OR56A1: variants seen among roughly 807,000 people sequenced by gnomAD.
OR56A1 encodes olfactory receptor family 56 subfamily A member 1.
For synonymous variants in OR56A1, 174 were observed against 159.1 expected, an observed-to-expected ratio of 1.09 and a Z score of -0.70; for missense variants, 360 against 380.9, an observed-to-expected ratio of 0.94 and a Z score of 0.46.
chr11:6,020,320 A>T lies in OR56A1; in HGVS notation c.*6428T>A, dbSNP rs1848382474. ...TTTTTTGGTTTCATATGAATTTTAA[A>T]ATAGTTTTTTCTAGTTCTGTAAAGA... On this transcript the variant is annotated 3_prime_UTR_variant, in exon 2 of 2. Transcript: ENST00000641900. 6.6e-6 allele frequency: 1 copy of T among 152,160 alleles called. No individual in the cohort carries two copies. The highest frequency in any genetic ancestry group is 6.6e-5 in the Admixed American group (1 of 15,266). The allele number at this position is 152,160 out of a possible 1,614,324, so 9.4% of individuals were successfully genotyped here. A position where few individuals can be genotyped will look rare whatever the true frequency, so the allele number is the denominator to read the frequency against.
At chr11:6,033,249 G>A (rs1011002065), upstream of OR56A1, among the ~76,000 whole-genome samples, 3 of 151,964 alleles carry the variant, frequency 2.0e-5, no homozygotes, top group Non-Finnish European at 4.4e-5. Flanking sequence ...GGGTGTGGAC[G>A]AGTGAGAAAG....
Position 6,026,881 on chromosome 11 carries a change from A to T in OR56A1, c.812T>A (p.Val271Asp). The change falls in exon 2 of 2, where the codon GTC becomes GAC. Residue 271 changes from valine (V) to aspartate (D), a missense_variant. By Grantham distance (152) the Val-to-Asp change is radical. Transcript: ENST00000641900. ...CAGCAGGATCAGGATGTCCATGGGG[A>T]CCTTCTTTCTGGCCACGTTTGTCAA... ...VVLTNVARKK[V>D]PMDILILLNV... 1.2e-6 allele frequency: 2 copies of T among 1,614,144 alleles called. No individual in the cohort carries two copies. The highest frequency in any genetic ancestry group is 1.7e-6 in the Non-Finnish European group (2 of 1,179,970).
At position 6,022,079 on chromosome 11, in the gene OR56A1, T is replaced by C. The variant is rs1435735080; in HGVS notation, c.*4669A>G. 1 of 152,096 alleles carries C rather than the reference T, an allele frequency of 6.6e-6. No homozygotes were observed. The highest frequency in any genetic ancestry group is 1.5e-5 in the Non-Finnish European group (1 of 67,982). The allele number at this position is 152,096 out of a possible 1,614,324, so 9.4% of individuals were successfully genotyped here. A position where few individuals can be genotyped will look rare whatever the true frequency, so the allele number is the denominator to read the frequency against. On this transcript the variant is annotated 3_prime_UTR_variant, in exon 2 of 2. Transcript: ENST00000641900. Reference sequence around the variant, plus strand: ...AGATGAGAGCTTGGGTGGTCTCCCTTGATAAGGAGGTAAGCCTATTGTCTA... The same window carrying C: ...AGATGAGAGCTTGGGTGGTCTCCCTCGATAAGGAGGTAAGCCTATTGTCTA...
chr11:6,029,788 T>C (rs908038649), intron 1 of OR56A1, among the ~76,000 whole-genome samples: 3 of 152,186 alleles, frequency 2.0e-5, no homozygotes, highest in African/African-American at 7.2e-5. Context: ...CTCTCTGATA[T>C]TCTGTTTTCC....
Position 6,027,349 on chromosome 11 carries a change from G to T in OR56A1, c.344C>A (p.Ser115Tyr). 1 of 1,614,196 alleles carries T rather than the reference G, an allele frequency of 6.2e-7. No individual in the cohort carries two copies. Among genetic ancestry groups the T allele is most frequent in the Non-Finnish European group, 8.5e-7 (1 of 1,180,028 alleles). ...FIMNSFLPME[S>Y]CTFMVMAYDR... The stretch of plus-strand genomic sequence containing the variant: ...ATAGGCCATGACCATAAACGTGCAG[G>T]ACTCCATGGGGAGGAAACTGTTCAT... The change falls in exon 2 of 2, where the codon TCC (serine) becomes TAC (tyrosine). Residue 115 changes from serine (S) to tyrosine (Y), a missense_variant. Physicochemically the swap from Ser to Tyr is moderately radical, Grantham distance 144. Transcript: ENST00000641900.
Position 6,025,773 on chromosome 11 carries a change from G to C in OR56A1, c.*975C>G, listed in dbSNP as rs55759362. 0.14 allele frequency: 20,642 copies of C among 152,164 alleles called. 1,744 individuals are homozygous for C. Among genetic ancestry groups the C allele is most frequent in the Non-Finnish European group, 0.18 (12,520 of 67,988 alleles). The allele number at this position is 152,164 out of a possible 1,614,324, so 9.4% of individuals were successfully genotyped here. A position where few individuals can be genotyped will look rare whatever the true frequency, so the allele number is the denominator to read the frequency against. Reference sequence around the variant, plus strand: ...TTCCAAGTGGAGGTTTCTTCCCATAGATACTGTTTATCTGTTACTTGAACC... The same window carrying C: ...TTCCAAGTGGAGGTTTCTTCCCATACATACTGTTTATCTGTTACTTGAACC... On this transcript the variant is annotated 3_prime_UTR_variant, in exon 2 of 2. Coordinates refer to ENST00000641900, the MANE Select transcript of OR56A1 (RefSeq NM_001388488.1).
rs1041751422 is a variant in OR56A1, at chr11:6,022,148, G to A, written c.*4600C>T. 1.3e-5 allele frequency: 2 copies of A among 152,088 alleles called. No homozygotes were observed. Among genetic ancestry groups the A allele is most frequent in the Admixed American group, 1.3e-4 (2 of 15,266 alleles). The allele number at this position is 152,088 out of a possible 1,614,324, so 9.4% of individuals were successfully genotyped here. ...GAAAATTTATGATCAAGGCTCTTTT[G>A]CAAGCAGCTGGATCTATGTGAGGAG... is the stretch of plus-strand genomic sequence containing the variant. On this transcript the variant is annotated 3_prime_UTR_variant, in exon 2 of 2. Transcript: ENST00000641900.
At chr11:6,032,193 T>C (rs1211214818), upstream of OR56A1, among the ~76,000 whole-genome samples, 2 of 151,596 alleles carry the variant, frequency 1.3e-5, no homozygotes, top group African/African-American at 4.9e-5. Context: ...AAGTTGACTG[T>C]GTAGCTAAAG....
rs919386191 is a variant in OR56A1 at position 6,023,739 on chromosome 11, A to G, written c.*3009T>C. On this transcript the variant is annotated 3_prime_UTR_variant, in exon 2 of 2. Coordinates refer to ENST00000641900, the MANE Select transcript of OR56A1 (RefSeq NM_001388488.1). Reference sequence around the variant, plus strand: ...CTCAGTTTTGAAAAACTGACAAAACATTGGTACCCCATCCATTTAAAATGC... The same window carrying G: ...CTCAGTTTTGAAAAACTGACAAAACGTTGGTACCCCATCCATTTAAAATGC... 6.6e-6 allele frequency: 1 copy of G among 152,238 alleles called. No individual in the cohort carries two copies. Among genetic ancestry groups the G allele is most frequent in the Non-Finnish European group, 1.5e-5 (1 of 68,034 alleles). The allele number at this position is 152,238 out of a possible 1,614,324, so 9.4% of individuals were successfully genotyped here. A position where few individuals can be genotyped will look rare whatever the true frequency, so the allele number is the denominator to read the frequency against.
chr11:6,020,403 G>T lies in OR56A1; in HGVS notation c.*6345C>A, dbSNP rs1848383433. 1 of 152,066 alleles carries T rather than the reference G, an allele frequency of 6.6e-6. No homozygotes were observed. The highest frequency in any genetic ancestry group is 2.4e-5 in the African/African-American group (1 of 41,438). 9.4% of individuals were successfully genotyped at this position (152,066 alleles called of 1,614,324 possible). On this transcript the variant is annotated 3_prime_UTR_variant, in exon 2 of 2. Coordinates refer to ENST00000641900, the MANE Select transcript of OR56A1 (RefSeq NM_001388488.1). ...AATCTGTAAATTGCTTTTGGGCAGT[G>T]TAGTGATTTTAATGGTACTGATTCT...
At chr11:6,028,160 C>T (rs1179559987) in intron 1 of OR56A1, among the ~76,000 whole-genome samples, 1 of 151,636 alleles carries the variant, frequency 6.6e-6, no homozygotes, top group Non-Finnish European at 1.5e-5. Flanking sequence ...CATCTCTTAC[C>T]CAAACTCATG....
Position 6,026,708 on chromosome 11 carries a change from G to T in OR56A1, c.*40C>A. 1 of 1,284,856 alleles carries T rather than the reference G, an allele frequency of 7.8e-7. No individual in the cohort carries two copies. The highest frequency in any genetic ancestry group is 1.1e-6 in the Non-Finnish European group (1 of 912,806). The allele number at this position is 1,284,856 out of a possible 1,614,324, so 79.6% of individuals were successfully genotyped here. On this transcript the variant is annotated 3_prime_UTR_variant, in exon 2 of 2. Coordinates refer to ENST00000641900, the MANE Select transcript of OR56A1 (RefSeq NM_001388488.1). ...ACTTCGCTGCCTAGGTAAAATCACT[G>T]AAGAGGAAGAACAGGAGGTATTAGA...
At chr11:6,031,349 A>G (rs1029516948), upstream of OR56A1, among the ~76,000 whole-genome samples, 5 of 152,214 alleles carry the variant, frequency 3.3e-5, no homozygotes, top group African/African-American at 1.2e-4. Flanking sequence ...AATGGAAAAA[A>G]ATATTTCCAT....
rs1848384222 is a variant in OR56A1, at chr11:6,020,485, T to C, written c.*6263A>G. ...TAGTTTGTATCTCCTCTGATTTCTTTGAGCAGTGTTTGGTAATTCTCACTG... is the reference window on the plus strand; with the variant it reads ...TAGTTTGTATCTCCTCTGATTTCTTCGAGCAGTGTTTGGTAATTCTCACTG... On this transcript the variant is annotated 3_prime_UTR_variant, in exon 2 of 2. Transcript: ENST00000641900. 6.6e-6 allele frequency: 1 copy of C among 152,170 alleles called. No individual in the cohort carries two copies. Among genetic ancestry groups the C allele is most frequent in the African/African-American group, 2.4e-5 (1 of 41,456 alleles). The allele number at this position is 152,170 out of a possible 1,614,324, so 9.4% of individuals were successfully genotyped here. A position where few individuals can be genotyped will look rare whatever the true frequency, so the allele number is the denominator to read the frequency against.
rs2133601024 is a variant in OR56A1 at position 6,024,274 on chromosome 11, T to G, written c.*2474A>C. The stretch of plus-strand genomic sequence containing the variant: ...ACTGCTGTCTTGGTCCCTCCATCCT[T>G]TACAAATCCCTACAACAAAGTTGGT... On this transcript the variant is annotated 3_prime_UTR_variant, in exon 2 of 2. Coordinates refer to ENST00000641900, the MANE Select transcript of OR56A1 (RefSeq NM_001388488.1). The G allele has an allele frequency of 6.6e-6, 1 of 152,350 alleles. No individual in the cohort carries two copies. Among genetic ancestry groups the G allele is most frequent in the East Asian group, 1.9e-4 (1 of 5,186 alleles). The allele number at this position is 152,350 out of a possible 1,614,324, so 9.4% of individuals were successfully genotyped here.
rs529657874 is a variant in OR56A1, at chr11:6,022,392, G to A, written c.*4356C>T. On this transcript the variant is annotated 3_prime_UTR_variant, in exon 2 of 2. Transcript: ENST00000641900. ...GCAAAGCCCTCATGCATTGGAATGA[G>A]GTGTGGGTGAGAAGTAAATTTTATT... 1.3e-5 allele frequency: 2 copies of A among 152,262 alleles called. No individual in the cohort carries two copies. Among genetic ancestry groups the A allele is most frequent in the African/African-American group, 4.8e-5 (2 of 41,546 alleles). 9.4% of individuals were successfully genotyped at this position (152,262 alleles called of 1,614,324 possible). A position where few individuals can be genotyped will look rare whatever the true frequency, so the allele number is the denominator to read the frequency against.
In OR56A1 at chr11:6,026,763, CA is replaced by C. The variant is rs1189107051; in HGVS notation, c.929del (p.Leu310ArgfsTer12). The C allele has an allele frequency of 6.3e-7, 1 of 1,594,464 alleles. No individual in the cohort carries two copies. The highest frequency in any genetic ancestry group is 2.2e-5 in the East Asian group (1 of 44,770). ...KEIKQGIQKL[L>X]QRGR ...CTTTACATATTCACCTCCCTCTCTG[CA>C]GTAACTTCTGAATTCCCTGTTTTAT... On this transcript the variant is annotated frameshift_variant, in exon 2 of 2. Transcript: ENST00000641900. LOFTEE classifies it high-confidence loss of function.
chr11:6,032,915 T>C (rs1189519674), upstream of OR56A1, among the ~76,000 whole-genome samples: 4 of 152,138 alleles, frequency 2.6e-5, no homozygotes, highest in Non-Finnish European at 5.9e-5. Context: ...AGAAATCTCA[T>C]CTTCCTATGT....
chr11:6,026,803 AC>A lies in OR56A1; in HGVS notation c.889del (p.Val297PhefsTer6). On this transcript the variant is annotated frameshift_variant, in exon 2 of 2. Transcript: ENST00000641900. LOFTEE classifies it low-confidence loss of function (END_TRUNC). ...TCCCTGTTTTATCTCTTTGGTCCGA[AC>A]CCCATACACAATAGGGTTCAATGCA... is the stretch of plus-strand genomic sequence containing the variant. ...PPALNPIVYG[V>X]RTKEIKQGIQ... is the part of the protein sequence containing the mutation. 2 of 1,613,524 alleles carry A rather than the reference AC, an allele frequency of 1.2e-6. No homozygotes were observed. Among genetic ancestry groups the A allele is most frequent in the Non-Finnish European group, 8.5e-7 (1 of 1,179,710 alleles).
Sources: gnomAD v4.1 joint callset for allele counts (sites outside exome capture counted in the v4.1 genomes callset) on GRCh38, gnomAD v4.1.1 for gene constraint, MANE v1.5 for transcripts, NCBI Gene and HGNC (gene_info 2026-07-23, HGNC 2026-07-21) for gene names.